ARID5B: variants seen among roughly 807,000 people sequenced by gnomAD.
ARID5B encodes AT-rich interactive domain-containing protein 5B.
Under a neutral mutation model 97.2 loss-of-function variants are expected in ARID5B, and 13 were observed. That is an observed-to-expected ratio of 0.13 (90% confidence interval 0.09 to 0.21). ARID5B has a LOEUF of 0.21. ARID5B is among the 10% of genes least tolerant of loss of function. The probability of loss-of-function intolerance (pLI) is 1.00; values close to 1 mark genes in which losing one functional copy is unlikely to be tolerated. For missense variants in ARID5B, 1,210 were observed against 1,465.3 expected, an observed-to-expected ratio of 0.83 and a Z score of 2.84; for synonymous variants, 556 against 570.3, an observed-to-expected ratio of 0.97 and a Z score of 0.36.
At chr10:61,919,393 T>C (rs1201149322) in intron 2 of ARID5B, among the ~76,000 whole-genome samples, 1 of 152,134 alleles carries the variant, frequency 6.6e-6, no homozygotes, top group African/African-American at 2.4e-5. Flanking sequence ...GGGATGCTCA[T>C]GGTAGAGGGT....
At position 62,091,943 on chromosome 10, in the gene ARID5B, T is replaced by C; in HGVS notation, c.2480T>C (p.Phe827Ser). The C allele has an allele frequency of 6.2e-7, 1 of 1,613,494 alleles. No homozygotes were observed. The highest frequency in any genetic ancestry group is 8.5e-7 in the Non-Finnish European group (1 of 1,179,810). The change falls in exon 10 of 10, where the codon TTC becomes TCC. Residue 827 changes from phenylalanine (F) to serine (S), a missense_variant. Phe to Ser is a radical substitution (Grantham distance 155). Coordinates refer to ENST00000279873, the MANE Select transcript of ARID5B (RefSeq NM_032199.3). ...RALPHSHMPS[F>S]LADFYSSPHL... is the part of the protein sequence containing the mutation. Reference sequence around the variant, plus strand: ...CTCCCCCATTCCCACATGCCTAGCTTCCTGGCTGACTTCTACTCGTCCCCT... The same window carrying C: ...CTCCCCCATTCCCACATGCCTAGCTCCCTGGCTGACTTCTACTCGTCCCCT...
chr10:61,980,497 G>C (rs534309193), intron 3 of ARID5B, among the ~76,000 whole-genome samples: 4 of 152,162 alleles, frequency 2.6e-5, no homozygotes, highest in Non-Finnish European at 5.9e-5. Context: ...GAACAACTGG[G>C]AGGGGTGGGG....
chr10:62,063,961 T>A (rs1016953680), intron 7 of ARID5B, among the ~76,000 whole-genome samples: 5 of 152,200 alleles, frequency 3.3e-5, no homozygotes, highest in Admixed American at 1.3e-4. Context: ...AGAGGCAGTA[T>A]CTGGAGAGAA....
intron 4 of ARID5B, among the ~76,000 whole-genome samples, chr10:62,041,910 G>T (rs1182242839): frequency 6.6e-6 from 1 of 152,332 alleles, no homozygotes. Flanking sequence ...GTGCTGTCAT[G>T]TTCAATAGTA....
chr10:62,056,838 T>C (rs997226194), intron 5 of ARID5B, among the ~76,000 whole-genome samples: 1 of 152,220 alleles, frequency 6.6e-6, no homozygotes, highest in Non-Finnish European at 1.5e-5. Flanking sequence ...ATATTGCTGA[T>C]GCCTGCTGTC....
chr10:62,040,240 TCAGGGCC>T (rs1402908929), intron 4 of ARID5B, among the ~76,000 whole-genome samples: 8 of 152,328 alleles, frequency 5.3e-5, no homozygotes, highest in South Asian at 4.1e-4. Flanking sequence ...AACATCTTCA[TCAGGGCC>T]ATTTAGTAGC....
chr10:61,947,707 T>A (rs373708114), intron 3 of ARID5B, among the ~76,000 whole-genome samples: 11 of 152,360 alleles, frequency 7.2e-5, no homozygotes, highest in African/African-American at 2.6e-4. Flanking sequence ...AGTGGTAGAA[T>A]GAGTGAGTAA....
At position 62,059,284 on chromosome 10, in the gene ARID5B, G is replaced by A; in HGVS notation, c.1090G>A (p.Gly364Arg). The A allele has an allele frequency of 6.2e-7, 1 of 1,611,860 alleles. No homozygotes were observed. The highest frequency in any genetic ancestry group is 8.5e-7 in the Non-Finnish European group (1 of 1,178,684). Residue 364 changes from glycine to arginine, a missense_variant, in exon 7 of 10, where the codon GGA becomes AGA. Coordinates refer to ENST00000279873, the MANE Select transcript of ARID5B (RefSeq NM_032199.3). ...TMFQAAQKLG[G>R]YETITARRQW... is the part of the protein sequence containing the mutation. The stretch of plus-strand genomic sequence containing the variant: ...GTTTCAAGCTGCTCAAAAACTGGGA[G>A]GATATGAAACAGTAAGTGTTTAAGC...
At chr10:61,946,984 A>G (rs1838247425) in intron 3 of ARID5B, among the ~76,000 whole-genome samples, 1 of 152,196 alleles carries the variant, frequency 6.6e-6, no homozygotes, top group Admixed American at 6.5e-5. Context: ...AACTAATTAC[A>G]TACGAGACTT....
chr10:61,988,102 A>G (rs1838871255), intron 3 of ARID5B, among the ~76,000 whole-genome samples: 1 of 152,158 alleles, frequency 6.6e-6, no homozygotes, highest in South Asian at 2.1e-4. Context: ...CTGTATCATC[A>G]GCTTTCAATG....
At chr10:61,919,036 TCCCCC>T (rs71022105) in intron 2 of ARID5B, among the ~76,000 whole-genome samples, 29 of 63,444 alleles carry the variant, frequency 4.6e-4, no homozygotes, top group Admixed American at 9.4e-4. Flanking sequence ...CCTGACTCCG[TCCCCC>T]CCCCCCCCCC....
intron 2 of ARID5B, among the ~76,000 whole-genome samples, chr10:61,926,690 C>T (rs917682777): frequency 1.3e-5 from 2 of 152,184 alleles, no homozygotes; most frequent in African/African-American, 4.8e-5. Context: ...CTCGCTGCAA[C>T]CTTCTCCTCC....
intron 8 of ARID5B, among the ~76,000 whole-genome samples, chr10:62,084,176 CT>C (rs1840251356): frequency 6.6e-6 from 1 of 152,198 alleles, no homozygotes; most frequent in Admixed American, 6.5e-5. Context: ...CGCCTCCTTG[CT>C]CATACCTTGT....
chr10:62,074,090 A>G (rs900430188), intron 8 of ARID5B, among the ~76,000 whole-genome samples: 17 of 152,232 alleles, frequency 1.1e-4, no homozygotes, highest in African/African-American at 3.9e-4. Flanking sequence ...GGGGAAAAAA[A>G]TCTTTACTCA....
At chr10:62,005,339 C>A (rs1177530510) in intron 4 of ARID5B, among the ~76,000 whole-genome samples, 1 of 152,170 alleles carries the variant, frequency 6.6e-6, no homozygotes, top group Non-Finnish European at 1.5e-5. Context: ...GTAATAACAG[C>A]CAACTTGCTG....
intron 4 of ARID5B, among the ~76,000 whole-genome samples, chr10:62,021,979 C>T (rs1045515525): frequency 6.6e-6 from 1 of 152,192 alleles, no homozygotes; most frequent in East Asian, 1.9e-4. Flanking sequence ...AAATGTAATA[C>T]CGAATATCAC....
chr10:62,034,832 G>A (rs1022140344), intron 4 of ARID5B, among the ~76,000 whole-genome samples: 4 of 152,172 alleles, frequency 2.6e-5, no homozygotes, highest in African/African-American at 9.7e-5. Flanking sequence ...TCATCGGTAG[G>A]CACATTTTTT....
At chr10:61,994,098 A>G (rs1242249561) in intron 3 of ARID5B, among the ~76,000 whole-genome samples, 1 of 152,176 alleles carries the variant, frequency 6.6e-6, no homozygotes, top group Non-Finnish European at 1.5e-5. Flanking sequence ...GTTTGTTTCT[A>G]TTGGCATCCA....
chr10:61,918,700 T>A (rs944199617), intron 2 of ARID5B, among the ~76,000 whole-genome samples: 1 of 152,224 alleles, frequency 6.6e-6, no homozygotes, highest in Non-Finnish European at 1.5e-5. Context: ...GAAGGAGACA[T>A]GTTCAAATCC....
Sources: gnomAD v4.1 joint callset for allele counts (sites outside exome capture counted in the v4.1 genomes callset) on GRCh38, gnomAD v4.1.1 for gene constraint, MANE v1.5 for transcripts, NCBI Gene and HGNC (gene_info 2026-07-23, HGNC 2026-07-21) for gene names.